PKHD1: variants seen among roughly 807,000 people sequenced by gnomAD.
The protein encoded by PKHD1 is fibrocystin.
A neutral mutation model predicts 412.0 loss-of-function variants in PKHD1; 291 were observed. The ratio of observed to expected loss-of-function variants is 0.71; its 90% CI spans 0.64 to 0.78. The LOEUF (loss-of-function observed/expected upper bound fraction) is 0.78, where lower values mean the gene tolerates loss of function less well. PKHD1 is among the 30% of genes least tolerant of loss of function. The pLI, the probability that PKHD1 is intolerant of heterozygous loss-of-function variation, is 0.00. For synonymous variants in PKHD1, 1,777 were observed against 1,821.5 expected (o/e 0.98, Z 0.62); for missense variants, 4,825 against 4,950.7 (o/e 0.97, Z 0.76).
chr6:52,065,733 T>C (rs1052470758), intron 12 of PKHD1, among the ~76,000 whole-genome samples: 13 of 152,200 alleles, frequency 8.5e-5, no homozygotes, highest in African/African-American at 1.7e-4. Flanking sequence ...ACTCACAAGA[T>C]AGGGGCACCT....
intron 58 of PKHD1, 60 bp downstream of exon 58, chr6:51,747,727 T>TA (rs1785395909): frequency 6.8e-7 from 1 of 1,464,220 alleles, no homozygotes; most frequent in African/African-American, 1.4e-5. Flanking sequence ...AGAATGCCAT[T>TA]AAAAATTTTA....
Position 51,979,323 on chromosome 6 carries a change from T to C in PKHD1, c.5752-19297A>G, listed in dbSNP as rs554086817. On this transcript the variant is annotated intron_variant, in intron 35 of 66. Transcript: ENST00000371117. The stretch of plus-strand genomic sequence containing the variant: ...TGAGAACAGACAGCATGTCTGTTTA[T>C]GCATCTAGGGTTTATTGCAGCACTT... Among the ~76,000 whole-genome samples the C allele has an allele frequency of 2.0e-5, 3 of 152,306 alleles. No individual in the cohort carries two copies. The South Asian group carries it at 6.2e-4, about 32-fold the overall frequency.
chr6:52,061,120 G>T (rs184531293), intron 14 of PKHD1, among the ~76,000 whole-genome samples: 13 of 152,144 alleles, frequency 8.5e-5, no homozygotes, highest in African/African-American at 2.7e-4. Flanking sequence ...TTAAATGGTC[G>T]TTAAAAACTA....
chr6:51,766,258 T>C (rs1329816383), intron 55 of PKHD1, among the ~76,000 whole-genome samples: 1 of 152,088 alleles, frequency 6.6e-6, no homozygotes, highest in Non-Finnish European at 1.5e-5. Flanking sequence ...AGCATACCTA[T>C]CAAGATAGCT....
chr6:52,024,086 C>T (rs533685450), intron 32 of PKHD1, among the ~76,000 whole-genome samples: 25 of 152,250 alleles, frequency 1.6e-4, no homozygotes, highest in African/African-American at 4.8e-4. Context: ...TATATCTAAA[C>T]GGAGAAAACA....
intron 37 of PKHD1, among the ~76,000 whole-genome samples, chr6:51,919,992 G>C (rs754727559): frequency 1.6e-4 from 24 of 152,234 alleles, no homozygotes; most frequent in Non-Finnish European, 2.6e-4. Context: ...CTGAGATTTT[G>C]CTGAAGTTGC....
chr6:51,626,976 A>G, intron 66 of PKHD1, 21 bp downstream of exon 66: 1 of 1,612,840 alleles, frequency 6.2e-7, no homozygotes, highest in Non-Finnish European at 8.5e-7. Context: ...TGTGGGGATC[A>G]TCTCCACCCT....
chr6:51,619,429 A>G lies in PKHD1; in HGVS notation c.11877T>C (p.Ile3959=), dbSNP rs2150241501. ...GCACAGCAGCCTCTTCCTCTCGGAC[A>G]ATGTGGCGGCTAACTTTCCTTCTGG... ...GVSRRKVSRH[I]VREEEAAVPA... The change falls in exon 67 of 67, where the codon ATT becomes ATC. Residue 3959 remains isoleucine, a synonymous_variant. Transcript: ENST00000371117. 6.2e-7 allele frequency: 1 copy of G among 1,613,774 alleles called. No homozygotes were observed. The highest frequency in any genetic ancestry group is 2.2e-5 in the East Asian group (1 of 44,868).
chr6:52,083,204 C>A lies in PKHD1; in HGVS notation c.104G>T (p.Gly35Val). The change falls in exon 3 of 67, where the codon GGA becomes GTA. Residue 35 changes from glycine to valine, a missense_variant. Physicochemically the swap from Gly to Val is moderately radical, Grantham distance 109 (BLOSUM62 -3). Transcript: ENST00000371117. Reference sequence around the variant, plus strand: ...ATCAAAAATGACTGTGATCCACGTTCCCCCTGCAAGGCTACCTTCTTCAGG... The same window carrying A: ...ATCAAAAATGACTGTGATCCACGTTACCCCTGCAAGGCTACCTTCTTCAGG... ...IEPEEGSLAGGTWITVIFDGL... is the reference protein window; with the variant it reads ...IEPEEGSLAGVTWITVIFDGL... 2 of 1,611,320 alleles carry A rather than the reference C, an allele frequency of 1.2e-6. No homozygotes were observed. The highest frequency in any genetic ancestry group is 1.3e-5 in the African/African-American group (1 of 75,002).
intron 53 of PKHD1, among the ~76,000 whole-genome samples, chr6:51,782,238 A>C (rs1792153536): frequency 1.3e-5 from 2 of 152,132 alleles, no homozygotes; most frequent in South Asian, 2.1e-4. Flanking sequence ...AAGAATATTT[A>C]TTTGTATTAG....
chr6:51,811,406 T>A (rs993782701), intron 52 of PKHD1, among the ~76,000 whole-genome samples: 1 of 152,226 alleles, frequency 6.6e-6, no homozygotes, highest in Non-Finnish European at 1.5e-5. Flanking sequence ...CTACTCTGGG[T>A]AACTACACTG....
rs903824497 is a variant in PKHD1 at position 52,066,081 on chromosome 6, C to G, written c.779-4G>C. On this transcript the variant is annotated splice_polypyrimidine_tract_variant and splice_region_variant and intron_variant, in intron 11 of 66. Transcript: ENST00000371117. ...TCTGGAAACACAGATAATATTTCTG[C>G]AAGAGTTAAAAAAAAAAAAAAGTAA... The G allele has an allele frequency of 1.6e-6, 2 of 1,244,278 alleles. No individual in the cohort carries two copies. Among genetic ancestry groups the G allele is most frequent in the African/African-American group, 3.4e-5 (2 of 58,360 alleles). 77.1% of individuals were successfully genotyped at this position (1,244,278 alleles called of 1,614,324 possible).
chr6:51,774,075 A>G (rs1490859075), intron 54 of PKHD1, among the ~76,000 whole-genome samples: 1 of 151,920 alleles, frequency 6.6e-6, no homozygotes, highest in African/African-American at 2.4e-5. Flanking sequence ...ATTTAAAGAG[A>G]TTTTCAACCA....
chr6:51,690,426 C>T (rs1778022783), intron 60 of PKHD1, among the ~76,000 whole-genome samples: 1 of 151,982 alleles, frequency 6.6e-6, no homozygotes, highest in African/African-American at 2.4e-5. Context: ...ATACTACAGG[C>T]CTATAGTAAT....
chr6:51,869,742 G>A (rs770459713), intron 47 of PKHD1, among the ~76,000 whole-genome samples: 4 of 151,734 alleles, frequency 2.6e-5, no homozygotes, highest in South Asian at 2.1e-4. Flanking sequence ...CCTAAACTCA[G>A]ATGCCACCCA....
chr6:51,757,883 C>T (rs557929546), intron 55 of PKHD1, among the ~76,000 whole-genome samples: 3 of 151,976 alleles, frequency 2.0e-5, no homozygotes, highest in Middle Eastern at 3.4e-3. Flanking sequence ...TGATGTCACA[C>T]ACCTGTGGTC....
At chr6:51,621,814 G>A (rs1022388204) in intron 66 of PKHD1, 1 of 152,116 alleles carries the variant, frequency 6.6e-6, no homozygotes, top group Non-Finnish European at 1.5e-5. Context: ...CTTTGATCTT[G>A]GACCTCCACA....
At chr6:52,076,017 A>G (rs1811278714) in intron 6 of PKHD1, among the ~76,000 whole-genome samples, 1 of 152,162 alleles carries the variant, frequency 6.6e-6, no homozygotes, top group African/African-American at 2.4e-5. Flanking sequence ...AGTCTCCAAC[A>G]TCAACTCATT....
chr6:51,630,591 T>C (rs941497736), intron 65 of PKHD1, among the ~76,000 whole-genome samples: 7 of 152,180 alleles, frequency 4.6e-5, no homozygotes, highest in Non-Finnish European at 1.5e-5. Flanking sequence ...GTTGTTTAGA[T>C]TCTCAACAAT....
Sources: gnomAD v4.1 joint callset for allele counts (sites outside exome capture counted in the v4.1 genomes callset) on GRCh38, gnomAD v4.1.1 for gene constraint, MANE v1.5 for transcripts, NCBI Gene and HGNC (gene_info 2026-07-23, HGNC 2026-07-21) for gene names.